SIN3B: variants seen among roughly 807,000 people sequenced by gnomAD.
SIN3B encodes the protein SIN3 transcription regulator family member B, also known as paired amphipathic helix protein Sin3b.
SIN3B carries 19 observed loss-of-function variants against 120.2 expected under a neutral mutation model. The ratio of observed to expected loss-of-function variants is 0.16; its 90% CI spans 0.11 to 0.23. The LOEUF (loss-of-function observed/expected upper bound fraction) is 0.23. Ranked by LOEUF, SIN3B falls within the 10% of genes least tolerant of loss-of-function variation. The pLI is 1.00. For synonymous variants in SIN3B, 654 were observed against 653.2 expected (o/e 1.00, Z -0.02); for missense variants, 1,073 against 1,573.0 (o/e 0.68, Z 5.38).
chr19:16,866,309 C>G (rs1420367707), intron 11 of SIN3B, 64 bp from the exon 12 acceptor site: 1 of 1,510,920 alleles, frequency 6.6e-7, no homozygotes, highest in Admixed American at 2.0e-5. Flanking sequence ...ACAGGCCAGC[C>G]CTGGGATGCT....
Position 16,862,285 on chromosome 19 carries a change from A to G in SIN3B, c.1059-67A>G, listed in dbSNP as rs1971698970. On this transcript the variant is annotated intron_variant, in intron 8 of 18. Transcript: ENST00000248054. The surrounding 1 kb of genome is among the most constrained non-coding windows in gnomAD (Gnocchi z 4.7). ...TGTAATGTCCACATGAAGCCATTCTAAAATCTCCAGATCCCTCTCAGAAGG... is the reference window on the plus strand; with the variant it reads ...TGTAATGTCCACATGAAGCCATTCTGAAATCTCCAGATCCCTCTCAGAAGG... The G allele has an allele frequency of 6.2e-6, 8 of 1,292,064 alleles. No individual in the cohort carries two copies. The highest frequency in any genetic ancestry group is 8.8e-6 in the Non-Finnish European group (8 of 906,480). The allele number at this position is 1,292,064 out of a possible 1,614,324, so 80.0% of individuals were successfully genotyped here. A position where few individuals can be genotyped will look rare whatever the true frequency, so the allele number is the denominator to read the frequency against.
rs117067509 is a variant in SIN3B, at chr19:16,866,665, C to T, written c.1806+109C>T. 294 of 1,098,552 alleles carry T rather than the reference C, an allele frequency of 2.7e-4. 3 individuals are homozygous for T. In the East Asian group the frequency reaches 7.4e-3, roughly 28 times the overall value. The allele number at this position is 1,098,552 out of a possible 1,614,324, so 68.1% of individuals were successfully genotyped here. A position where few individuals can be genotyped will look rare whatever the true frequency, so the allele number is the denominator to read the frequency against. On this transcript the variant is annotated intron_variant, in intron 12 of 18. Transcript: ENST00000248054. ...GTGGTTAGGCAGGGTAGTGGCATTG[C>T]CCTTTCAGGGCTGTGTTGAGGCGAG...
Position 16,876,465 on chromosome 19 carries a change from G to A in SIN3B, c.2767-21G>A. 1 of 1,607,138 alleles carries A rather than the reference G, an allele frequency of 6.2e-7. No homozygotes were observed. Among genetic ancestry groups the A allele is most frequent in the South Asian group, 1.1e-5 (1 of 90,858 alleles). ...CTGGGCTGTGCCGGCAGTGGAGGCT[G>A]TCAGCGTTCCTGCTCCGCAGGTGAT... On this transcript the variant is annotated intron_variant, in intron 15 of 18. Transcript: ENST00000248054. The surrounding 1 kb of genome is among the most constrained non-coding windows in gnomAD (Gnocchi z 7.1).
chr19:16,863,822 C>G (rs567346444), intron 10 of SIN3B, 26 bp downstream of exon 10: 3 of 1,536,256 alleles, frequency 2.0e-6, no homozygotes, highest in African/African-American at 2.7e-5. Flanking sequence ...TGGCCGGGTC[C>G]CCCGGCATGT....
chr19:16,871,126 G>T, intron 13 of SIN3B, 103 bp from the exon 14 acceptor site: 1 of 1,432,348 alleles, frequency 7.0e-7, no homozygotes, highest in Non-Finnish European at 9.8e-7. Context: ...AGGGCTGTTG[G>T]GCCCCATGGG....
intron 4 of SIN3B, among the ~76,000 whole-genome samples, chr19:16,843,185 C>A (rs1049629118): frequency 6.6e-6 from 1 of 152,162 alleles, no homozygotes. Flanking sequence ...GCAACCTCAG[C>A]CTCCCGGCTT....
chr19:16,878,547 C>T lies in SIN3B; in HGVS notation c.3213C>T (p.His1071=), dbSNP rs2051643606. 1 of 1,602,522 alleles carries T rather than the reference C, an allele frequency of 6.2e-7. No homozygotes were observed. The highest frequency in any genetic ancestry group is 1.3e-5 in the African/African-American group (1 of 74,682). ...LRHHQHFEEW[H]SRWLEDNVTV... is the part of the protein sequence containing the mutation. ...ACCACCAGCACTTTGAGGAGTGGCA[C>T]AGCCGCTGGCTGGAGGACAATGTGA... is the stretch of plus-strand genomic sequence containing the variant. The change falls in exon 19 of 19, where the codon CAC becomes CAT. Residue 1071 remains histidine, a synonymous_variant. Coordinates refer to ENST00000248054, the MANE Select transcript of SIN3B (RefSeq NM_001297595.2).
At chr19:16,875,257 GTCTGGT>G (rs2051576973) in intron 14 of SIN3B, among the ~76,000 whole-genome samples, 1 of 146,138 alleles carries the variant, frequency 6.8e-6, no homozygotes, top group Non-Finnish European at 1.5e-5. Context: ...GTCTGGTCTG[GTCTGGT>G]TTTGGTCTGG....
At chr19:16,831,897 C>T (rs1158736140) in intron 3 of SIN3B, among the ~76,000 whole-genome samples, 2 of 152,186 alleles carry the variant, frequency 1.3e-5, no homozygotes, top group Non-Finnish European at 2.9e-5. Context: ...AGGTATCCTC[C>T]TAACGCAGAA....
At chr19:16,877,707 G>GCCCCCGTCAGGACAA in intron 17 of SIN3B, 68 bp downstream of exon 17, 3 of 1,136,046 alleles carry the variant, frequency 2.6e-6, no homozygotes, top group Non-Finnish European at 3.9e-6. Flanking sequence ...CCTTTGTCCT[G>GCCCCCGTCAGGACAA]ACGGGGGCTG....
At chr19:16,832,213 T>TC (rs1971287654) in intron 3 of SIN3B, among the ~76,000 whole-genome samples, 2 of 136,144 alleles carry the variant, frequency 1.5e-5, no homozygotes, top group African/African-American at 2.7e-5. Context: ...TTTTTTTTTT[T>TC]TGGAGACGGA....
intron 13 of SIN3B, among the ~76,000 whole-genome samples, chr19:16,870,383 CTTTCT>C (rs1260333091): frequency 1.0e-4 from 14 of 136,262 alleles, no homozygotes; most frequent in Admixed American, 7.2e-5. Context: ...TACCCTTTTT[CTTTCT>C]TTTTTTTTTT....
intron 6 of SIN3B, among the ~76,000 whole-genome samples, chr19:16,852,486 A>G (rs1402986424): frequency 2.0e-5 from 3 of 152,298 alleles, no homozygotes; most frequent in East Asian, 1.9e-4. Flanking sequence ...GGCTCAAACA[A>G]TCCTCCCGCC....
chr19:16,864,694 A>G (rs1227186180), intron 10 of SIN3B, among the ~76,000 whole-genome samples: 2 of 151,350 alleles, frequency 1.3e-5, no homozygotes, highest in Non-Finnish European at 2.9e-5. Context: ...AATTTTTGTA[A>G]TTAAAAGTTT....
At chr19:16,851,257 G>A (rs1273955292) in intron 5 of SIN3B, among the ~76,000 whole-genome samples, 155 bp from the exon 6 acceptor site, 1 of 152,244 alleles carries the variant, frequency 6.6e-6, no homozygotes, top group Non-Finnish European at 1.5e-5. Flanking sequence ...GCATCTTGCT[G>A]GAGTCACCTC....
chr19:16,877,534 C>G lies in SIN3B; in HGVS notation c.2860-11C>G. On this transcript the variant is annotated splice_polypyrimidine_tract_variant and intron_variant, in intron 16 of 18. Transcript: ENST00000248054. ...AGGGGCATCACGGGCTGTGTCTCTC[C>G]CTGTCCCCAGCACCTGGCTCGGTAC... The G allele has an allele frequency of 6.3e-7, 1 of 1,595,166 alleles. No homozygotes were observed. The highest frequency in any genetic ancestry group is 8.5e-7 in the Non-Finnish European group (1 of 1,170,032).
At chr19:16,863,840 C>T (rs775445448) in intron 10 of SIN3B, 44 bp downstream of exon 10, 1 of 1,401,196 alleles carries the variant, frequency 7.1e-7, no homozygotes, top group Non-Finnish European at 1.0e-6. Context: ...TGTGCCTGTT[C>T]CCCTTCTCCA....
chr19:16,848,840 G>A (rs560096049), intron 5 of SIN3B, among the ~76,000 whole-genome samples: 2 of 152,138 alleles, frequency 1.3e-5, no homozygotes, highest in Non-Finnish European at 2.9e-5. Flanking sequence ...GTCTCACAAT[G>A]TTGTCCAGGT....
chr19:16,860,081 G>T (rs574546768), intron 8 of SIN3B, among the ~76,000 whole-genome samples: 2 of 152,334 alleles, frequency 1.3e-5, no homozygotes, highest in African/African-American at 2.4e-5. Context: ...TTGTTTCCAT[G>T]TTTCAGCAGT....
Sources: gnomAD v4.1 joint callset for allele counts (sites outside exome capture counted in the v4.1 genomes callset) on GRCh38, gnomAD v4.1.1 for gene constraint, Gnocchi (gnomAD v3.1) non-coding constraint, MANE v1.5 for transcripts, NCBI Gene and HGNC (gene_info 2026-07-23, HGNC 2026-07-21) for gene names.